ZPBP: variants seen among roughly 807,000 people sequenced by gnomAD.
ZPBP encodes zona pellucida-binding protein 1.
In ZPBP, 26 loss-of-function variants were observed where a neutral mutation model predicts 44.8. That is an observed-to-expected ratio of 0.58 (90% CI 0.43 to 0.81). ZPBP has a LOEUF of 0.81. Ranked by LOEUF, ZPBP falls within the 30% of genes least tolerant of loss-of-function variation. The pLI is 0.00. For synonymous variants in ZPBP, 174 were observed against 153.2 expected (o/e 1.14, Z -1.00); for missense variants, 409 against 434.0 (o/e 0.94, Z 0.51).
chr7:49,845,085 A>T, the ZPBP span, among the ~76,000 whole-genome samples: 1 of 152,128 alleles, frequency 6.6e-6, no homozygotes, highest in Non-Finnish European at 1.5e-5. Flanking sequence ...AACGATGAGA[A>T]CACATGAACA....
the ZPBP span, among the ~76,000 whole-genome samples, chr7:49,843,827 T>C: frequency 1.3e-5 from 2 of 152,340 alleles, no homozygotes; most frequent in Non-Finnish European, 2.9e-5. Context: ...CAGTTCATCT[T>C]AGAAAACGCA....
chr7:50,081,184 T>C (rs17133674), intron 3 of ZPBP, among the ~76,000 whole-genome samples: 3 of 151,514 alleles, frequency 2.0e-5, no homozygotes, highest in Non-Finnish European at 4.4e-5. Flanking sequence ...ACAGGCACGA[T>C]CTCAAAATAG....
At chr7:49,845,708 A>T (rs778665886), downstream of ZPBP, among the ~76,000 whole-genome samples, 17 of 152,376 alleles carry the variant, frequency 1.1e-4, no homozygotes, top group Middle Eastern at 3.4e-3. Flanking sequence ...AGACCTTGAC[A>T]TTGTAACAAA....
At chr7:49,898,313 GT>G (rs540380787) in intron 2 of ZPBP, among the ~76,000 whole-genome samples, 279 of 146,976 alleles carry the variant, frequency 1.9e-3, no homozygotes, top group African/African-American at 6.0e-3. Context: ...AAACATCGAA[GT>G]TTTTTTTTTT....
chr7:50,078,306 A>C (rs933696456), intron 3 of ZPBP, among the ~76,000 whole-genome samples: 10 of 151,644 alleles, frequency 6.6e-5, no homozygotes, highest in African/African-American at 9.7e-5. Flanking sequence ...AAATAGAAAA[A>C]ATGAATAAGA....
intron 4 of ZPBP, among the ~76,000 whole-genome samples, chr7:50,034,340 C>G (rs558635369): frequency 6.6e-6 from 1 of 152,162 alleles, no homozygotes; most frequent in East Asian, 1.9e-4. Context: ...AAGCCCCCTG[C>G]AAGTTAATGC....
chr7:49,888,883 C>T (rs1792012539), intron 2 of ZPBP, among the ~76,000 whole-genome samples: 1 of 151,964 alleles, frequency 6.6e-6, no homozygotes, highest in Non-Finnish European at 1.5e-5. Flanking sequence ...CACAGTCTAG[C>T]CTGGGGGACA....
At chr7:50,048,312 A>G (rs1343359044) in intron 4 of ZPBP, among the ~76,000 whole-genome samples, 1 of 152,106 alleles carries the variant, frequency 6.6e-6, no homozygotes, top group Non-Finnish European at 1.5e-5. Context: ...ATGAATAAAA[A>G]AACTAGGAAG....
chr7:49,914,170 G>A, intron 1 of ZPBP: 1 of 152,150 alleles, frequency 6.6e-6, no homozygotes, highest in East Asian at 1.9e-4. Flanking sequence ...TGGGTAGGTG[G>A]GCCATTAGTA....
At chr7:49,993,638 G>T (rs1166126637) in intron 6 of ZPBP, among the ~76,000 whole-genome samples, 1 of 152,062 alleles carries the variant, frequency 6.6e-6, no homozygotes, top group Non-Finnish European at 1.5e-5. Context: ...CTGATGAATG[G>T]GGCCTAATGT....
chr7:49,964,203 C>T (rs1053957514), intron 7 of ZPBP, among the ~76,000 whole-genome samples: 14 of 151,782 alleles, frequency 9.2e-5, no homozygotes, highest in Non-Finnish European at 1.3e-4. Context: ...CAAGGTAAAA[C>T]ATTGAATGAT....
intron 3 of ZPBP, among the ~76,000 whole-genome samples, chr7:50,058,419 C>T (rs1364710297): frequency 6.6e-6 from 1 of 152,140 alleles, no homozygotes; most frequent in Non-Finnish European, 1.5e-5. Context: ...TAATCTGCTC[C>T]TTGCATTGAA....
chr7:49,864,955 T>A (rs892308469), intron 2 of ZPBP, among the ~76,000 whole-genome samples: 2 of 152,240 alleles, frequency 1.3e-5, no homozygotes, highest in African/African-American at 4.8e-5. Context: ...ACAGTTCCTG[T>A]TTGTTTTTCA....
chr7:49,980,248 TATATA>T (rs1409099944), intron 7 of ZPBP, among the ~76,000 whole-genome samples: 4 of 122,912 alleles, frequency 3.3e-5, no homozygotes, highest in African/African-American at 1.2e-4. Flanking sequence ...ATAATATAAA[TATATA>T]ATACATATAA....
chr7:49,848,478 G>A (rs370591799), downstream of ZPBP, among the ~76,000 whole-genome samples: 235 of 152,350 alleles, frequency 1.5e-3, 3 homozygotes, highest in African/African-American at 5.4e-3. Context: ...GCCCAGGGTC[G>A]GCTGTGGGCC....
At chr7:49,960,154 T>C (rs1795797819) in intron 7 of ZPBP, among the ~76,000 whole-genome samples, 1 of 152,058 alleles carries the variant, frequency 6.6e-6, no homozygotes, top group Non-Finnish European at 1.5e-5. Context: ...GCGCGGTGAC[T>C]CAGGCCTGTA....
chr7:49,940,747 G>A (rs2128753054), intron 7 of ZPBP: 5 of 985,076 alleles, frequency 5.1e-6, no homozygotes, highest in Non-Finnish European at 6.0e-6. Flanking sequence ...ATGCAGCTCT[G>A]GAAGATTCCA....
At chr7:49,926,038 C>G (rs1219649626) in intron 1 of ZPBP, among the ~76,000 whole-genome samples, 1 of 152,226 alleles carries the variant, frequency 6.6e-6, no homozygotes, top group Non-Finnish European at 1.5e-5. Flanking sequence ...GGTCAGTGGA[C>G]TCTGCATAAT....
intron 1 of ZPBP, among the ~76,000 whole-genome samples, chr7:49,927,171 C>A (rs1037258511): frequency 1.5e-4 from 23 of 152,198 alleles, no homozygotes; most frequent in African/African-American, 5.3e-4. Context: ...CACAGAGGAT[C>A]TCCCCAACTC....
Sources: gnomAD v4.1 joint callset for allele counts (sites outside exome capture counted in the v4.1 genomes callset) on GRCh38, gnomAD v4.1.1 for gene constraint, MANE v1.5 for transcripts, NCBI Gene and HGNC (gene_info 2026-07-23, HGNC 2026-07-21) for gene names.